Variants in ADAMTSL2 observed in about 807,000 individuals in gnomAD.
ADAMTSL2 encodes the protein ADAMTS-like protein 2.
In ADAMTSL2, 55 loss-of-function variants were observed where a neutral mutation model predicts 117.0. The observed-to-expected ratio is 0.47, with a 90% CI of 0.38 to 0.59. The LOEUF (loss-of-function observed/expected upper bound fraction) is 0.59. ADAMTSL2 is among the 20% of genes least tolerant of loss of function. ADAMTSL2 has a pLI of 0.00. For synonymous variants in ADAMTSL2, 572 were observed against 566.4 expected, an observed-to-expected ratio of 1.01 and a Z score of -0.14; for missense variants, 1,182 against 1,354.5, an observed-to-expected ratio of 0.87 and a Z score of 2.00.
At position 133,538,367 on chromosome 9, in the gene ADAMTSL2, C is replaced by T. The variant is rs757779174; in HGVS notation, c.252C>T (p.Gly84=). 7 of 1,613,356 alleles carry T rather than the reference C, an allele frequency of 4.3e-6. No individual in the cohort carries two copies. The highest frequency in any genetic ancestry group is 2.5e-6 in the Non-Finnish European group (3 of 1,180,024). ...CLQQRRKSVP[G]PGNRTCTGTS... ...CTGCCAGGAGGAAGTCCGTCCCGGG[C>T]CCCGGGAACAGGACCTGCACGGGCA... The change falls in exon 4 of 19, where the codon GGC becomes GGT. Residue 84 remains glycine (G), a synonymous_variant. Coordinates refer to ENST00000651351, the MANE Select transcript of ADAMTSL2 (RefSeq NM_014694.4).
intron 8 of ADAMTSL2, 63 bp from the exon 9 acceptor site, chr9:133,546,975 G>A: frequency 2.6e-6 from 4 of 1,544,574 alleles, no homozygotes; most frequent in Non-Finnish European, 3.6e-6. Flanking sequence ...TCCCTGAGTT[G>A]GTGACACTGG....
intron 12 of ADAMTSL2, among the ~76,000 whole-genome samples, chr9:133,564,617 A>AGG (rs1830908580): frequency 2.2e-5 from 1 of 46,278 alleles, no homozygotes; most frequent in Non-Finnish European, 4.7e-5. Context: ...GGAGAGAGAG[A>AGG]GAGAGAGGGA....
intron 15 of ADAMTSL2, 34 bp downstream of exon 15, chr9:133,568,792 G>C: frequency 1.2e-6 from 2 of 1,612,510 alleles, no homozygotes; most frequent in South Asian, 1.1e-5. Flanking sequence ...CTGGGCGTGC[G>C]GCTGGTGAGG....
chr9:133,564,205 A>G (rs1479259554), intron 12 of ADAMTSL2, among the ~76,000 whole-genome samples: 1 of 78,090 alleles, frequency 1.3e-5, no homozygotes, highest in East Asian at 3.7e-4. Flanking sequence ...AGAGGGAGAG[A>G]GAGAGAGGGA....
chr9:133,548,768 G>A (rs1830414791), intron 9 of ADAMTSL2, among the ~76,000 whole-genome samples: 1 of 152,288 alleles, frequency 6.6e-6, no homozygotes, highest in South Asian at 2.1e-4. Flanking sequence ...GGGCACAGCT[G>A]TGAACTGTTG....
chr9:133,572,021 G>A (rs972466221), intron 17 of ADAMTSL2, among the ~76,000 whole-genome samples: 13 of 152,270 alleles, frequency 8.5e-5, no homozygotes, highest in Non-Finnish European at 1.6e-4. Flanking sequence ...TAAACCTTAT[G>A]AGTTCAAGGC....
rs766732749 is a variant in ADAMTSL2, at chr9:133,560,220, T to C, written c.1650-978T>C. ...AGTGAAGTATGGCGGCTTGGGGTCA[T>C]CTCTAGCCAGCCCCTCTGGGCCCAG... On this transcript the variant is annotated intron_variant, in intron 11 of 18. Transcript: ENST00000651351. 1.8e-3 allele frequency among the ~76,000 whole-genome samples: 267 copies of C among 152,224 alleles called. 3 individuals carry two copies. The highest frequency in any genetic ancestry group is 8.7e-4 in the Non-Finnish European group (59 of 68,004).
chr9:133,532,952 T>C (rs1244357113), upstream of ADAMTSL2, among the ~76,000 whole-genome samples: 1 of 151,896 alleles, frequency 6.6e-6, no homozygotes, highest in Non-Finnish European at 1.5e-5. Context: ...CTGGGGGTGT[T>C]TGTGTTGGTC....
chr9:133,546,493 C>T (rs1039058298), intron 8 of ADAMTSL2, among the ~76,000 whole-genome samples: 2 of 152,144 alleles, frequency 1.3e-5, no homozygotes, highest in African/African-American at 4.8e-5. Flanking sequence ...TCAGCATGGC[C>T]CTGCCTGCAA....
chr9:133,541,704 G>A (rs906324556), intron 7 of ADAMTSL2, among the ~76,000 whole-genome samples: 1 of 152,276 alleles, frequency 6.6e-6, no homozygotes, highest in South Asian at 2.1e-4. Flanking sequence ...GCTCCCTGTC[G>A]GCTCCAGGCT....
Position 133,573,957 on chromosome 9 carries a change from G to A in ADAMTSL2, c.2707G>A (p.Asp903Asn). 6.2e-7 allele frequency: 1 copy of A among 1,613,864 alleles called. No individual in the cohort carries two copies. Among genetic ancestry groups the A allele is most frequent in the Non-Finnish European group, 8.5e-7 (1 of 1,180,004 alleles). ...GAAGCCCGTTGGCAGACAGGCCTGTGATCTGCAGCCCTGCCCCACGGAGCC... is the reference window on the plus strand; with the variant it reads ...GAAGCCCGTTGGCAGACAGGCCTGTAATCTGCAGCCCTGCCCCACGGAGCC... ...LVKPVGRQAC[D>N]LQPCPTEPPD... Residue 903 changes from aspartate (D) to asparagine (N), a missense_variant, in exon 18 of 19, where the codon GAT becomes AAT. Around this residue, in one of 3 missense-constraint regions of ADAMTSL2, gnomAD observed 465 missense variants for 565.3 expected, o/e 0.82. Coordinates refer to ENST00000651351, the MANE Select transcript of ADAMTSL2 (RefSeq NM_014694.4).
chr9:133,568,242 G>T, intron 13 of ADAMTSL2, 31 bp from the exon 14 acceptor site: 1 of 1,544,740 alleles, frequency 6.5e-7, no homozygotes. Flanking sequence ...CCATGGGGGG[G>T]ATCATTGAAG....
intron 11 of ADAMTSL2, among the ~76,000 whole-genome samples, chr9:133,560,494 C>A (rs2131152085): frequency 6.6e-6 from 1 of 152,326 alleles, no homozygotes; most frequent in Middle Eastern, 3.4e-3. Context: ...TGGGCCCAGG[C>A]ACACCTACTG....
chr9:133,541,050 C>T lies in ADAMTSL2; in HGVS notation c.682+49C>T, dbSNP rs184586854. The T allele has an allele frequency of 6.9e-5, 110 of 1,587,952 alleles. No homozygotes were observed. The African/African-American group carries it at 1.0e-3, about 15-fold the overall frequency. On this transcript the variant is annotated intron_variant, in intron 7 of 18. Transcript: ENST00000651351. ...TCCAAGCACAGCAGAGTCTGGGAATCGGGGGTCCTGAGTGTGCTCCTGTCT... is the reference window on the plus strand; with the variant it reads ...TCCAAGCACAGCAGAGTCTGGGAATTGGGGGTCCTGAGTGTGCTCCTGTCT...
intron 8 of ADAMTSL2, among the ~76,000 whole-genome samples, chr9:133,546,092 A>C (rs1342543946): frequency 2.0e-5 from 3 of 151,976 alleles, no homozygotes; most frequent in African/African-American, 4.8e-5. Context: ...TGGAAGACAG[A>C]GTGTCCCGAG....
rs2131087731 is a variant in ADAMTSL2, at chr9:133,536,548, C to T, written c.-150-15C>T. ...TAAGCCTAGACTGAGGCGGGGGGTT[C>T]ATCCTTCCCAACAGGGTCTGCCAGA... is the stretch of plus-strand genomic sequence containing the variant. On this transcript the variant is annotated splice_polypyrimidine_tract_variant and intron_variant, in intron 1 of 18. Coordinates refer to ENST00000651351, the MANE Select transcript of ADAMTSL2 (RefSeq NM_014694.4). 3.2e-6 allele frequency: 5 copies of T among 1,549,084 alleles called. No individual in the cohort carries two copies. The highest frequency in any genetic ancestry group is 4.4e-6 in the Non-Finnish European group (5 of 1,143,372).
intron 17 of ADAMTSL2, among the ~76,000 whole-genome samples, chr9:133,572,887 C>T (rs1831143050): frequency 6.6e-6 from 1 of 152,160 alleles, no homozygotes; most frequent in South Asian, 2.1e-4. Context: ...CAGGGCTGGC[C>T]GGGAATGTGC....
At position 133,568,369 on chromosome 9, in the gene ADAMTSL2, C is replaced by G; in HGVS notation, c.1971C>G (p.Phe657Leu). The G allele has an allele frequency of 6.2e-7, 1 of 1,601,744 alleles. No homozygotes were observed. The highest frequency in any genetic ancestry group is 8.5e-7 in the Non-Finnish European group (1 of 1,175,030). The change falls in exon 14 of 19, where the codon TTC becomes TTG. Residue 657 changes from phenylalanine (F) to leucine (L), a missense_variant. Phe to Leu is a conservative substitution (Grantham distance 22). Transcript: ENST00000651351. ...VRCWKMLSPG[F>L]DSSVYSDLCE... is the part of the protein sequence containing the mutation. ...GCTGGAAGATGCTCTCGCCCGGCTT[C>G]GACAGCTCCGTGTACAGCGACCTGT...
At chr9:133,543,519 G>T (rs1299139268) in intron 7 of ADAMTSL2, among the ~76,000 whole-genome samples, 2 of 152,248 alleles carry the variant, frequency 1.3e-5, no homozygotes, top group South Asian at 2.1e-4. Flanking sequence ...AGAGCCCACT[G>T]TTAAACATTT....
Sources: allele counts gnomAD v4.1 joint callset (sites outside exome capture counted in the v4.1 genomes callset), GRCh38; gene constraint gnomAD v4.1.1; regional missense constraint gnomAD v4.1.1; transcripts MANE v1.5; gene names NCBI Gene and HGNC (gene_info 2026-07-23, HGNC 2026-07-21).